Variants in KHDRBS2 observed in about 807,000 individuals in gnomAD.
KHDRBS2 encodes the protein KH RNA binding domain containing, signal transduction associated 2.
Under a neutral mutation model 44.3 loss-of-function variants are expected in KHDRBS2, and 26 were observed. The ratio of observed to expected loss-of-function variants is 0.59; its 90% CI spans 0.43 to 0.81. The LOEUF is 0.81. Among genes scored for constraint, KHDRBS2 ranks in the 40% least tolerant of loss-of-function variants. KHDRBS2 has a pLI of 0.00. For synonymous variants in KHDRBS2, 194 were observed against 151.1 expected (o/e 1.28, Z -2.08); for missense variants, 476 against 433.1 (o/e 1.10, Z -0.88).
intron 4 of KHDRBS2, among the ~76,000 whole-genome samples, chr6:61,908,627 C>A (rs1450731818): frequency 7.4e-5 from 6 of 81,462 alleles, no homozygotes; most frequent in African/African-American, 2.9e-4. Context: ...GAGTGAGATT[C>A]CGTCTCAAAA....
chr6:61,989,072 C>A (rs963516101), intron 3 of KHDRBS2, among the ~76,000 whole-genome samples: 9 of 152,174 alleles, frequency 5.9e-5, no homozygotes, highest in Non-Finnish European at 8.8e-5. Flanking sequence ...AGGCTAGATT[C>A]TCCCTGTTGA....
the KHDRBS2 span, among the ~76,000 whole-genome samples, chr6:61,596,601 A>G: frequency 6.6e-6 from 1 of 152,144 alleles, no homozygotes; most frequent in Non-Finnish European, 1.5e-5. Flanking sequence ...TGCTCTAAGT[A>G]GTTGTTAACT....
chr6:62,148,971 T>A (rs1326202093), intron 2 of KHDRBS2, among the ~76,000 whole-genome samples: 2 of 152,106 alleles, frequency 1.3e-5, no homozygotes, highest in African/African-American at 2.4e-5. Flanking sequence ...GCCTCTTATC[T>A]ACCCATATCC....
chr6:62,071,466 G>A (rs137869691), intron 2 of KHDRBS2, among the ~76,000 whole-genome samples: 1 of 152,010 alleles, frequency 6.6e-6, no homozygotes, highest in Admixed American at 6.6e-5. Context: ...GGATTTTTAT[G>A]GTTTTAGGTC....
At chr6:61,770,043 T>G (rs916109896) in intron 6 of KHDRBS2, among the ~76,000 whole-genome samples, 5 of 152,156 alleles carry the variant, frequency 3.3e-5, no homozygotes, top group African/African-American at 1.2e-4. Context: ...TCAGCTGTTC[T>G]GCAGCCACCG....
chr6:61,587,558 G>A, the KHDRBS2 span, among the ~76,000 whole-genome samples: 1 of 152,060 alleles, frequency 6.6e-6, no homozygotes. Context: ...TAACACTAAA[G>A]TTGGCATGGA....
At chr6:61,890,181 G>T (rs1474784055) in intron 6 of KHDRBS2, among the ~76,000 whole-genome samples, 1 of 152,094 alleles carries the variant, frequency 6.6e-6, no homozygotes, top group Non-Finnish European at 1.5e-5. Context: ...AGGACCTTCA[G>T]AACACACCTA....
At chr6:61,773,559 G>C (rs1457330461) in intron 6 of KHDRBS2, among the ~76,000 whole-genome samples, 1 of 149,496 alleles carries the variant, frequency 6.7e-6, no homozygotes, top group Non-Finnish European at 1.5e-5. Context: ...TGTCAGAAGA[G>C]TAGGTTGCAA....
At chr6:61,543,429 C>T in the KHDRBS2 span, among the ~76,000 whole-genome samples, 169 of 151,824 alleles carry the variant, frequency 1.1e-3, no homozygotes, top group African/African-American at 3.7e-3. Context: ...AGCTTTTATC[C>T]GAAAGACAGG....
At chr6:61,597,737 T>TAC in the KHDRBS2 span, among the ~76,000 whole-genome samples, 1 of 38,292 alleles carries the variant, frequency 2.6e-5, no homozygotes, top group African/African-American at 1.6e-4. Flanking sequence ...ACCTTTTATA[T>TAC]ATATATATAT....
intron 3 of KHDRBS2, among the ~76,000 whole-genome samples, chr6:61,987,863 GA>G (rs1775350165): frequency 6.6e-6 from 1 of 152,166 alleles, no homozygotes; most frequent in Admixed American, 6.5e-5. Flanking sequence ...AATGTGGCAA[GA>G]ATTCTTCCAG....
Position 61,807,538 on chromosome 6 carries a change from C to T in KHDRBS2, c.811-74774G>A, listed in dbSNP as rs1343669271. Among the ~76,000 whole-genome samples the T allele has an allele frequency of 2.6e-5, 4 of 151,968 alleles. No homozygotes were observed. The East Asian group carries it at 5.8e-4, about 22-fold the overall frequency. ...TTGCGGCAACATAGATGGAGCTGGG[C>T]GCTATTATCCTAAGCAGAACTAATT... On this transcript the variant is annotated intron_variant, in intron 6 of 8. Transcript: ENST00000281156.
chr6:61,971,231 A>C (rs946383081), intron 4 of KHDRBS2, among the ~76,000 whole-genome samples: 2 of 152,118 alleles, frequency 1.3e-5, no homozygotes, highest in Admixed American at 1.3e-4. Context: ...AGGGAACAAC[A>C]ATAACAACAA....
At chr6:62,193,001 A>G (rs1342850690) in intron 1 of KHDRBS2, among the ~76,000 whole-genome samples, 1 of 152,104 alleles carries the variant, frequency 6.6e-6, no homozygotes, top group Non-Finnish European at 1.5e-5. Context: ...GTATTTACGA[A>G]TGGCTTAAAT....
chr6:62,009,467 A>G (rs1456363584), intron 3 of KHDRBS2, among the ~76,000 whole-genome samples: 4 of 152,332 alleles, frequency 2.6e-5, no homozygotes, highest in Admixed American at 6.5e-5. Flanking sequence ...CTGAGGAGAA[A>G]TCCAAGCCCA....
chr6:61,552,605 C>G, the KHDRBS2 span, among the ~76,000 whole-genome samples: 1 of 152,060 alleles, frequency 6.6e-6, no homozygotes, highest in East Asian at 1.9e-4. Context: ...TTCAACTGCT[C>G]CCCATTCAGT....
intron 6 of KHDRBS2, among the ~76,000 whole-genome samples, chr6:61,840,796 C>G (rs767987360): frequency 6.6e-6 from 1 of 152,072 alleles, no homozygotes; most frequent in Non-Finnish European, 1.5e-5. Context: ...AAATTCTTAT[C>G]GTGTTTTTAC....
At chr6:62,230,058 T>A (rs1403620875) in intron 1 of KHDRBS2, among the ~76,000 whole-genome samples, 1 of 152,212 alleles carries the variant, frequency 6.6e-6, no homozygotes, top group African/African-American at 2.4e-5. Flanking sequence ...CTAAAATTGC[T>A]GTAGCGGTGG....
chr6:62,262,646 AT>A (rs946612349), intron 1 of KHDRBS2, among the ~76,000 whole-genome samples: 52 of 151,652 alleles, frequency 3.4e-4, no homozygotes, highest in African/African-American at 1.2e-3. Context: ...ATTCTGATAA[AT>A]TTTTTTGGGG....
Sources: allele counts gnomAD v4.1 joint callset (sites outside exome capture counted in the v4.1 genomes callset), GRCh38; gene constraint gnomAD v4.1.1; transcripts MANE v1.5; gene names NCBI Gene and HGNC (gene_info 2026-07-23, HGNC 2026-07-21).